The following TANK variants were observed in gnomAD, a reference collection of about 807,000 sequenced individuals.
TANK encodes TRAF family member associated NFKB activator.
TANK carries 15 observed loss-of-function variants against 43.6 expected under a neutral mutation model. The ratio of observed to expected loss-of-function variants is 0.34; its 90% CI spans 0.23 to 0.53. The LOEUF is 0.53. Ranked by LOEUF, TANK falls within the 20% of genes least tolerant of loss-of-function variation. TANK has a pLI of 0.94. For synonymous variants in TANK, 162 were observed against 178.2 expected, an observed-to-expected ratio of 0.91 and a Z score of 0.73; for missense variants, 417 against 498.6, an observed-to-expected ratio of 0.84 and a Z score of 1.56.
chr2:161,204,126 ATAAG>A (rs1475220819), intron 3 of TANK, among the ~76,000 whole-genome samples: 2 of 148,330 alleles, frequency 1.3e-5, no homozygotes, highest in Non-Finnish European at 2.9e-5. Flanking sequence ...GGATACATAA[ATAAG>A]TGTTTTTTTC....
In TANK at chr2:161,179,752, A is replaced by G; in HGVS notation, c.90A>G (p.Leu30=). 6.2e-7 allele frequency: 1 copy of G among 1,612,336 alleles called. No homozygotes were observed. Among genetic ancestry groups the G allele is most frequent in the Non-Finnish European group, 8.5e-7 (1 of 1,178,976 alleles). ...CMDRDSAVKE[L]QQKTENYEQR... ...ATAGAGATTCTGCAGTAAAAGAATT[A>G]CAGCAAAAGGTGTGTGGTTCTGGTT... is the stretch of plus-strand genomic sequence containing the variant. The change falls in exon 2 of 8, where the codon TTA becomes TTG. Residue 30 remains leucine (L), a synonymous_variant. Transcript: ENST00000392749.
intron 2 of TANK, among the ~76,000 whole-genome samples, chr2:161,198,507 A>C (rs1686257082): frequency 6.6e-6 from 1 of 152,190 alleles, no homozygotes; most frequent in Admixed American, 6.5e-5. Context: ...CTCCACTAGG[A>C]ATTGCCCTGA....
At chr2:161,206,359 C>T (rs75573615) in intron 4 of TANK, among the ~76,000 whole-genome samples, 3,422 of 152,134 alleles carry the variant, frequency 0.022, 62 homozygotes, top group Middle Eastern at 0.048. Flanking sequence ...TTCTTAACAT[C>T]AACAAGAACA....
At chr2:161,185,115 A>G (rs903494591) in intron 2 of TANK, among the ~76,000 whole-genome samples, 9 of 152,154 alleles carry the variant, frequency 5.9e-5, no homozygotes, top group African/African-American at 1.9e-4. Context: ...ATTTTACAGA[A>G]TAGGCATAGA....
At chr2:161,227,674 C>T (rs1476261701) in intron 6 of TANK, among the ~76,000 whole-genome samples, 1 of 152,208 alleles carries the variant, frequency 6.6e-6, no homozygotes, top group African/African-American at 2.4e-5. Flanking sequence ...AGCAGATTCT[C>T]CAGCATTCAC....
intron 1 of TANK, among the ~76,000 whole-genome samples, chr2:161,176,604 C>T (rs757092990): frequency 2.0e-5 from 3 of 152,052 alleles, no homozygotes; most frequent in Non-Finnish European, 2.9e-5. Flanking sequence ...TGCACCTTCT[C>T]GATAGAACAG....
Position 161,221,514 on chromosome 2 carries a change from A to G in TANK, c.328-2401A>G, listed in dbSNP as rs538753003. Among the ~76,000 whole-genome samples, 86 of 152,304 alleles carry G rather than the reference A, an allele frequency of 5.6e-4. No individual in the cohort carries two copies. The Middle Eastern group carries it at 0.014, about 24-fold the overall frequency. Reference sequence around the variant, plus strand: ...TTTCTGGGAAAGTGTTGAAGTTGCCATTGATTATACTAATCCTAAATCCTT... The same window carrying G: ...TTTCTGGGAAAGTGTTGAAGTTGCCGTTGATTATACTAATCCTAAATCCTT... On this transcript the variant is annotated intron_variant, in intron 4 of 7. Transcript: ENST00000392749.
intron 7 of TANK, among the ~76,000 whole-genome samples, chr2:161,232,498 T>C (rs1687966754): frequency 6.6e-6 from 1 of 152,242 alleles, no homozygotes; most frequent in Non-Finnish European, 1.5e-5. Flanking sequence ...TGGTATATTT[T>C]AGTAGTGGGA....
chr2:161,200,552 T>C, intron 2 of TANK: 1 of 983,718 alleles, frequency 1.0e-6, no homozygotes, highest in Non-Finnish European at 1.2e-6. Flanking sequence ...TACTTTTTTC[T>C]GAATATGCAT....
At chr2:161,143,009 G>A (rs1475968879) in intron 1 of TANK, among the ~76,000 whole-genome samples, 1 of 152,048 alleles carries the variant, frequency 6.6e-6, no homozygotes, top group Non-Finnish European at 1.5e-5. Flanking sequence ...TTGAGCAGTA[G>A]TTTATAGTTC....
chr2:161,232,853 T>C (rs1405195107), intron 7 of TANK: 1 of 1,549,462 alleles, frequency 6.5e-7, no homozygotes, highest in Non-Finnish European at 8.7e-7. Context: ...GCTTAAAAAA[T>C]TCAGGAGAAT....
At chr2:161,216,962 C>A (rs1445648354) in intron 4 of TANK, among the ~76,000 whole-genome samples, 3 of 152,142 alleles carry the variant, frequency 2.0e-5, no homozygotes, top group Admixed American at 6.5e-5. Flanking sequence ...CTATCTTTTT[C>A]TTACTTTATA....
intron 1 of TANK, among the ~76,000 whole-genome samples, chr2:161,154,100 T>A (rs10204178): frequency 0.042 from 6,395 of 152,184 alleles, 403 homozygotes; most frequent in African/African-American, 0.14. Flanking sequence ...ATTTCAAGCA[T>A]AATGCATGTC....
At chr2:161,176,198 T>A in intron 1 of TANK, among the ~76,000 whole-genome samples, 1 of 152,140 alleles carries the variant, frequency 6.6e-6, no homozygotes, top group Middle Eastern at 3.2e-3. Flanking sequence ...CTCTTAATTT[T>A]ATACTTAACA....
At chr2:161,232,921 G>A in intron 7 of TANK, 2 of 1,431,044 alleles carry the variant, frequency 1.4e-6, no homozygotes, top group Non-Finnish European at 1.9e-6. Flanking sequence ...TATTTTGGCA[G>A]AAAAAGCAAA....
intron 6 of TANK, among the ~76,000 whole-genome samples, chr2:161,230,061 A>G (rs879493341): frequency 2.6e-5 from 4 of 152,162 alleles, no homozygotes; most frequent in Admixed American, 6.5e-5. Context: ...GTTGATATCT[A>G]TGTCTGCCTT....
chr2:161,158,918 T>G (rs1318059215), upstream of TANK, among the ~76,000 whole-genome samples: 1 of 152,156 alleles, frequency 6.6e-6, no homozygotes, highest in Admixed American at 6.5e-5. Context: ...GTTAACCAGA[T>G]GGTAAATAAA....
Position 161,224,652 on chromosome 2 carries a change from C to T in TANK, c.426C>T (p.Phe142=). The T allele has an allele frequency of 6.4e-7, 1 of 1,574,572 alleles. No homozygotes were observed. The highest frequency in any genetic ancestry group is 1.2e-5 in the South Asian group (1 of 83,522). Residue 142 remains phenylalanine (F), a synonymous_variant, in exon 6 of 8, where the codon TTC becomes TTT. Coordinates refer to ENST00000392749, the MANE Select transcript of TANK (RefSeq NM_001199135.3). ...LHERGNIEKT[F]WDLKEEFHKI... ...TTAGGGGTAATATAGAGAAGACTTT[C>T]TGGGATCTGAAAGAAGAATTTCATA...
At chr2:161,166,801 AAAAACAAAAAAC>A (rs1043007121) in intron 1 of TANK, among the ~76,000 whole-genome samples, 1 of 152,110 alleles carries the variant, frequency 6.6e-6, no homozygotes, top group Non-Finnish European at 1.5e-5. Flanking sequence ...GTCTCAAAAA[AAAAACAAAAAAC>A]AAAACAAAAA....
Sources: allele counts gnomAD v4.1 joint callset (sites outside exome capture counted in the v4.1 genomes callset), GRCh38; gene constraint gnomAD v4.1.1; transcripts MANE v1.5; gene names NCBI Gene and HGNC (gene_info 2026-07-23, HGNC 2026-07-21).